Variants in COG5 observed in about 807,000 individuals in gnomAD.
COG5 encodes conserved oligomeric Golgi complex subunit 5.
COG5 carries 86 observed loss-of-function variants against 110.4 expected under a neutral mutation model. The ratio of observed to expected loss-of-function variants is 0.78; its 90% CI spans 0.65 to 0.93. The LOEUF (loss-of-function observed/expected upper bound fraction) is 0.93. Among genes scored for constraint, COG5 ranks in the 40% least tolerant of loss-of-function variants. The pLI is 0.00. For synonymous variants in COG5, 360 were observed against 334.6 expected (o/e 1.08, Z -0.83); for missense variants, 1,077 against 987.0 (o/e 1.09, Z -1.22).
chr7:107,268,766 G>A (rs1804008015), intron 14 of COG5, among the ~76,000 whole-genome samples: 1 of 152,052 alleles, frequency 6.6e-6, no homozygotes, highest in Non-Finnish European at 1.5e-5. Flanking sequence ...TTTGACTTAA[G>A]GTCTATTCTG....
intron 7 of COG5, among the ~76,000 whole-genome samples, chr7:107,393,687 C>T (rs1191930899): frequency 6.6e-6 from 1 of 152,192 alleles, no homozygotes; most frequent in East Asian, 1.9e-4. Flanking sequence ...ACCCATTTTG[C>T]AGCTGAGATA....
At chr7:107,399,177 G>C (rs1791240909) in intron 7 of COG5, among the ~76,000 whole-genome samples, 1 of 151,982 alleles carries the variant, frequency 6.6e-6, no homozygotes, top group African/African-American at 2.4e-5. Context: ...ATTCCAACCT[G>C]GGTGACAGAG....
intron 2 of COG5, among the ~76,000 whole-genome samples, chr7:107,557,200 A>C (rs1803387521): frequency 6.6e-6 from 1 of 152,232 alleles, no homozygotes; most frequent in African/African-American, 2.4e-5. Context: ...AAGACACAAA[A>C]ATGATCAAGT....
chr7:107,331,967 GC>G (rs2129031310), intron 10 of COG5, among the ~76,000 whole-genome samples: 1 of 151,664 alleles, frequency 6.6e-6, no homozygotes, highest in African/African-American at 2.4e-5. Flanking sequence ...CCGTGCCTCA[GC>G]CTCCTGAGTA....
intron 6 of COG5, among the ~76,000 whole-genome samples, chr7:107,507,998 G>A (rs941715685): frequency 7.2e-5 from 11 of 152,206 alleles, no homozygotes; most frequent in South Asian, 2.1e-4. Context: ...GAGGTATCGC[G>A]TTCATCTCAC....
chr7:107,404,630 T>C (rs1791675100), intron 7 of COG5, among the ~76,000 whole-genome samples: 1 of 151,718 alleles, frequency 6.6e-6, no homozygotes, highest in Non-Finnish European at 1.5e-5. Flanking sequence ...GCAGAGAACA[T>C]ATGAGGAGAG....
chr7:107,386,701 A>G (rs1441244482), intron 7 of COG5, among the ~76,000 whole-genome samples: 4 of 152,140 alleles, frequency 2.6e-5, no homozygotes, highest in Non-Finnish European at 4.4e-5. Context: ...CCTGATGCAA[A>G]CTGTTGTAAC....
At chr7:107,232,806 G>A (rs999918371) in intron 18 of COG5, among the ~76,000 whole-genome samples, 4 of 152,104 alleles carry the variant, frequency 2.6e-5, no homozygotes, top group Non-Finnish European at 2.9e-5. Flanking sequence ...CATTAGCAGC[G>A]GATACAAAAG....
intron 7 of COG5, among the ~76,000 whole-genome samples, chr7:107,384,473 A>G (rs1364268646): frequency 6.6e-6 from 1 of 152,132 alleles, no homozygotes; most frequent in Non-Finnish European, 1.5e-5. Flanking sequence ...CCGGGCAGGA[A>G]GCACTGTACC....
At position 107,203,768 on chromosome 7, in the gene COG5, A is replaced by G. The variant is rs1225552372; in HGVS notation, c.2376-138T>C. 3 of 665,830 alleles carry G rather than the reference A, an allele frequency of 4.5e-6. No homozygotes were observed. In the African/African-American group the frequency reaches 5.4e-5, roughly 12 times the overall value. 41.2% of individuals were successfully genotyped at this position (665,830 alleles called of 1,614,324 possible). ...CTCGGTTTCACAAGCCAAGTGACCA[A>G]CAGCCTTCACTCAGTTACTGGTAGT... On this transcript the variant is annotated intron_variant, in intron 21 of 21. Coordinates refer to ENST00000297135, the MANE Select transcript of COG5 (RefSeq NM_006348.5).
intron 10 of COG5, among the ~76,000 whole-genome samples, chr7:107,331,395 G>C (rs1810227965): frequency 6.6e-6 from 1 of 152,026 alleles, no homozygotes; most frequent in African/African-American, 2.4e-5. Context: ...GTGAACCCGG[G>C]AGGCGGAGCT....
chr7:107,449,493 C>T (rs924073796), intron 6 of COG5, among the ~76,000 whole-genome samples: 1 of 152,160 alleles, frequency 6.6e-6, no homozygotes, highest in African/African-American at 2.4e-5. Flanking sequence ...TTCACTTGAG[C>T]AGTTTGTCTC....
chr7:107,362,259 C>T (rs745738872), intron 9 of COG5, 49 bp downstream of exon 9: 1 of 1,483,512 alleles, frequency 6.7e-7, no homozygotes, highest in East Asian at 2.3e-5. Flanking sequence ...TTTGGAATAA[C>T]CAGGAGTTAA....
intron 6 of COG5, among the ~76,000 whole-genome samples, chr7:107,497,922 T>A (rs1404406416): frequency 6.6e-6 from 1 of 152,146 alleles, no homozygotes; most frequent in Admixed American, 6.5e-5. Context: ...AATAGTATGG[T>A]ACTGGCAAAA....
At chr7:107,387,904 C>T (rs1240541328) in intron 7 of COG5, among the ~76,000 whole-genome samples, 2 of 152,226 alleles carry the variant, frequency 1.3e-5, no homozygotes, top group Non-Finnish European at 2.9e-5. Flanking sequence ...CCTGTGTGCT[C>T]TTTTTCTTCG....
chr7:107,432,414 T>C (rs1015410106), intron 6 of COG5, among the ~76,000 whole-genome samples: 2 of 152,122 alleles, frequency 1.3e-5, no homozygotes, highest in Non-Finnish European at 2.9e-5. Flanking sequence ...GTAATTGATA[T>C]ACAAAAGAGA....
At chr7:107,541,523 A>AATATATATATATATATATATATATAT (rs1554460370) in intron 5 of COG5, among the ~76,000 whole-genome samples, 33 of 56,972 alleles carry the variant, frequency 5.8e-4, no homozygotes, top group Admixed American at 1.2e-3. Context: ...AAAAAAAAAA[A>AATATATATATATATATATATATATAT]ATATATATAT....
At chr7:107,424,639 T>C (rs922856678) in intron 6 of COG5, among the ~76,000 whole-genome samples, 2 of 152,162 alleles carry the variant, frequency 1.3e-5, no homozygotes, top group Admixed American at 6.5e-5. Flanking sequence ...AAGGATTTTC[T>C]ATTTCAAACA....
chr7:107,318,128 A>G (rs762119327), intron 11 of COG5, among the ~76,000 whole-genome samples: 20 of 152,024 alleles, frequency 1.3e-4, no homozygotes, highest in Admixed American at 1.3e-4. Flanking sequence ...TCCAGGTTCA[A>G]GTGATTCCCC....
Sources: allele counts gnomAD v4.1 joint callset (sites outside exome capture counted in the v4.1 genomes callset), GRCh38; gene constraint gnomAD v4.1.1; transcripts MANE v1.5; gene names NCBI Gene and HGNC (gene_info 2026-07-23, HGNC 2026-07-21).